Variants in GPC5 observed in about 807,000 individuals in gnomAD.
The protein encoded by GPC5 is glypican-5.
Under a neutral mutation model 53.9 loss-of-function variants are expected in GPC5, and 47 were observed. That is an observed-to-expected ratio of 0.87 (90% confidence interval 0.69 to 1.11). The LOEUF (loss-of-function observed/expected upper bound fraction) is 1.11. Ranked by LOEUF, GPC5 falls within the 50% of genes most tolerant of loss-of-function variation. GPC5 has a pLI of 0.00. For synonymous variants in GPC5, 286 were observed against 263.3 expected, an observed-to-expected ratio of 1.09 and a Z score of -0.84; for missense variants, 748 against 713.1, an observed-to-expected ratio of 1.05 and a Z score of -0.56.
chr13:92,044,068 GT>G (rs549437598), intron 6 of GPC5, among the ~76,000 whole-genome samples: 7 of 152,098 alleles, frequency 4.6e-5, no homozygotes, highest in Non-Finnish European at 8.8e-5. Context: ...GTTATGTTTA[GT>G]TCAATCCCCT....
chr13:91,519,900 C>A (rs1885711891), intron 2 of GPC5, among the ~76,000 whole-genome samples: 1 of 150,810 alleles, frequency 6.6e-6, no homozygotes, highest in Non-Finnish European at 1.5e-5. Flanking sequence ...AAAATAGTTC[C>A]AAGGAAAAAA....
intron 2 of GPC5, among the ~76,000 whole-genome samples, chr13:91,525,014 G>A (rs1472688137): frequency 2.0e-5 from 3 of 152,176 alleles, no homozygotes; most frequent in African/African-American, 7.2e-5. Context: ...TGATATTGAA[G>A]TTCCTGTAGC....
intron 2 of GPC5, among the ~76,000 whole-genome samples, chr13:91,492,204 A>G (rs376595696): frequency 3.3e-5 from 5 of 152,336 alleles, no homozygotes; most frequent in African/African-American, 1.2e-4. Context: ...CCTGGTGATC[A>G]TAATTTTTAG....
intron 6 of GPC5, among the ~76,000 whole-genome samples, chr13:92,064,488 T>C (rs1594749663): frequency 6.6e-6 from 1 of 152,080 alleles, no homozygotes. Context: ...CCTGGCGCGG[T>C]GGCTCACGCC....
intron 7 of GPC5, among the ~76,000 whole-genome samples, chr13:92,211,451 A>G (rs950831916): frequency 1.3e-5 from 2 of 152,224 alleles, no homozygotes; most frequent in Non-Finnish European, 2.9e-5. Context: ...CCTGAAATCA[A>G]AACCAACTGT....
At chr13:92,291,243 G>A (rs1463171453) in intron 7 of GPC5, among the ~76,000 whole-genome samples, 1 of 152,174 alleles carries the variant, frequency 6.6e-6, no homozygotes, top group Non-Finnish European at 1.5e-5. Flanking sequence ...GCATGGCACG[G>A]GACTGACAGG....
At chr13:91,515,746 T>C (rs77712689) in intron 2 of GPC5, among the ~76,000 whole-genome samples, 1,855 of 145,048 alleles carry the variant, frequency 0.013, 34 homozygotes, top group African/African-American at 0.044. Flanking sequence ...TTTGGGATAG[T>C]CTTCTGTACT....
At chr13:92,128,078 C>T (rs1172048021) in intron 6 of GPC5, among the ~76,000 whole-genome samples, 1 of 152,034 alleles carries the variant, frequency 6.6e-6, no homozygotes, top group Non-Finnish European at 1.5e-5. Flanking sequence ...TGATATTTAC[C>T]TTCTTTTAAA....
At chr13:91,723,557 TC>T (rs375474659) in intron 3 of GPC5, among the ~76,000 whole-genome samples, 20 of 152,168 alleles carry the variant, frequency 1.3e-4, no homozygotes, top group African/African-American at 4.6e-4. Context: ...TCTTTAATCA[TC>T]CCGATTACTA....
chr13:91,755,538 C>G (rs1428080487), intron 4 of GPC5, among the ~76,000 whole-genome samples: 3 of 152,026 alleles, frequency 2.0e-5, no homozygotes, highest in African/African-American at 7.2e-5. Context: ...CCTCCAAAGC[C>G]TTGGTTTTAA....
intron 7 of GPC5, among the ~76,000 whole-genome samples, chr13:92,301,199 A>G (rs1436648569): frequency 1.3e-5 from 2 of 152,226 alleles, no homozygotes; most frequent in African/African-American, 4.8e-5. Context: ...TTGGGTATTT[A>G]TTCCTAACTT....
chr13:91,571,979 ATGTATATATGTGTATATG>A lies in GPC5; in HGVS notation c.326-121197_326-121180del, dbSNP rs1416725752. On this transcript the variant is annotated intron_variant, in intron 2 of 7. Transcript: ENST00000377067. The stretch of plus-strand genomic sequence containing the variant: ...CACATATATGTATATATGTGTATAT[ATGTATATATGTGTATATG>A]TGTATATATGCATATATGCATATAC... Among the ~76,000 whole-genome samples the A allele has an allele frequency of 1.5e-5, 2 of 133,766 alleles. 1 individual carries two copies. The highest frequency in any genetic ancestry group is 6.7e-5 in the African/African-American group (2 of 30,030). 87.8% of individuals were successfully genotyped at this position (133,766 alleles called of 152,430 possible).
chr13:92,830,812 C>A (rs1381193305), intron 7 of GPC5, among the ~76,000 whole-genome samples: 1 of 152,020 alleles, frequency 6.6e-6, no homozygotes, highest in Non-Finnish European at 1.5e-5. Flanking sequence ...GTATCAACCG[C>A]AGATAATTTT....
At chr13:92,524,026 A>G (rs1881176065) in intron 7 of GPC5, among the ~76,000 whole-genome samples, 1 of 152,068 alleles carries the variant, frequency 6.6e-6, no homozygotes, top group Non-Finnish European at 1.5e-5. Flanking sequence ...ATAGCTGCCT[A>G]CTGATCAGAG....
intron 7 of GPC5, among the ~76,000 whole-genome samples, chr13:92,334,183 G>A (rs918425980): frequency 2.0e-5 from 3 of 152,152 alleles, no homozygotes; most frequent in Admixed American, 2.0e-4. Flanking sequence ...GAGGTTTAAT[G>A]GACTCACAGT....
intron 6 of GPC5, among the ~76,000 whole-genome samples, chr13:92,082,767 T>G (rs564572385): frequency 5.9e-5 from 9 of 152,294 alleles, no homozygotes; most frequent in African/African-American, 2.2e-4. Context: ...TGCCAAATAC[T>G]TCTGATATGT....
At chr13:91,972,143 G>C (rs1416275387) in intron 6 of GPC5, among the ~76,000 whole-genome samples, 1 of 152,052 alleles carries the variant, frequency 6.6e-6, no homozygotes, top group African/African-American at 2.4e-5. Context: ...TATGAATCTG[G>C]GTGCTCCTGT....
intron 7 of GPC5, among the ~76,000 whole-genome samples, chr13:92,404,142 G>T (rs1177866658): frequency 1.3e-5 from 2 of 152,098 alleles, no homozygotes; most frequent in Non-Finnish European, 2.9e-5. Context: ...TTACTAGAAA[G>T]GAAGTTAAAC....
At chr13:92,573,112 C>G (rs558174055) in intron 7 of GPC5, among the ~76,000 whole-genome samples, 3 of 152,196 alleles carry the variant, frequency 2.0e-5, no homozygotes, top group East Asian at 3.9e-4. Flanking sequence ...TTTATCAAAA[C>G]TATCATGACA....
Sources: gnomAD v4.1 joint callset for allele counts (sites outside exome capture counted in the v4.1 genomes callset) on GRCh38, gnomAD v4.1.1 for gene constraint, MANE v1.5 for transcripts, NCBI Gene and HGNC (gene_info 2026-07-23, HGNC 2026-07-21) for gene names.